The following DLG2 variants were observed in gnomAD, a reference collection of about 807,000 sequenced individuals.
DLG2 encodes disks large homolog 2.
In DLG2, 45 loss-of-function variants were observed where a neutral mutation model predicts 132.5. The observed-to-expected ratio is 0.34, with a 90% CI of 0.27 to 0.44. The LOEUF (loss-of-function observed/expected upper bound fraction) is 0.44. Among genes scored for constraint, DLG2 ranks in the 20% least tolerant of loss-of-function variants. The pLI, the probability that DLG2 is intolerant of heterozygous loss-of-function variation, is 1.00. For missense variants in DLG2, 1,045 were observed against 1,196.9 expected, an observed-to-expected ratio of 0.87 and a Z score of 1.87; for synonymous variants, 424 against 419.6, an observed-to-expected ratio of 1.01 and a Z score of -0.13.
chr11:84,622,304 CAGAA>C (rs1290796479), intron 6 of DLG2, among the ~76,000 whole-genome samples: 1 of 152,132 alleles, frequency 6.6e-6, no homozygotes, highest in Non-Finnish European at 1.5e-5. Flanking sequence ...AGTTCACCAC[CAGAA>C]AGAGTCTTTC....
chr11:85,189,982 A>G (rs931029781), intron 4 of DLG2, among the ~76,000 whole-genome samples: 3 of 152,200 alleles, frequency 2.0e-5, no homozygotes, highest in Admixed American at 6.5e-5. Context: ...TAATGTATAA[A>G]TTATACTTCA....
rs575056522 is a variant in DLG2 at position 83,625,782 on chromosome 11, A to C, written c.1940+7429T>G. On this transcript the variant is annotated intron_variant, in intron 19 of 27. Coordinates refer to ENST00000376104, the MANE Select transcript of DLG2 (RefSeq NM_001142699.3). ...TGTCACACAGTTTAGCAAACAAATG[A>C]AACAGCCTGAAAGGCCTTGCAGCAC... Among the ~76,000 whole-genome samples, 4 of 152,300 alleles carry C rather than the reference A, an allele frequency of 2.6e-5. No individual in the cohort carries two copies. In the East Asian group the frequency reaches 5.8e-4, roughly 22 times the overall value.
In DLG2 at chr11:84,633,485, C is replaced by A. The variant is rs536892555; in HGVS notation, c.358-98754G>T. Among the ~76,000 whole-genome samples, 177 of 152,174 alleles carry A rather than the reference C, an allele frequency of 1.2e-3. 2 individuals are homozygous for A. Among genetic ancestry groups the A allele is most frequent in the Admixed American group, 3.6e-3 (55 of 15,268 alleles). The stretch of plus-strand genomic sequence containing the variant: ...TCATTGAGAATCAACTCGTGCACCA[C>A]TTACTCCAAGAAACATTTCTTGACT... On this transcript the variant is annotated intron_variant, in intron 6 of 27. Coordinates refer to ENST00000376104, the MANE Select transcript of DLG2 (RefSeq NM_001142699.3).
At chr11:84,861,218 A>C (rs891252812) in intron 6 of DLG2, among the ~76,000 whole-genome samples, 2 of 152,102 alleles carry the variant, frequency 1.3e-5, no homozygotes, top group East Asian at 3.9e-4. Context: ...CTGGCTTCCT[A>C]AAGGAGATCA....
chr11:85,385,384 T>C (rs2086242612), intron 3 of DLG2, among the ~76,000 whole-genome samples: 1 of 152,224 alleles, frequency 6.6e-6, no homozygotes, highest in African/African-American at 2.4e-5. Flanking sequence ...TTGTTTGTTT[T>C]GTTTTTTTAC....
At chr11:83,767,178 G>A (rs2094180433) in intron 18 of DLG2, among the ~76,000 whole-genome samples, 1 of 152,130 alleles carries the variant, frequency 6.6e-6, no homozygotes, top group Non-Finnish European at 1.5e-5. Context: ...ATTGGGATAT[G>A]GACATTTTGG....
intron 19 of DLG2, among the ~76,000 whole-genome samples, chr11:83,581,519 A>G (rs556006196): frequency 4.3e-4 from 66 of 152,320 alleles, no homozygotes; most frequent in African/African-American, 1.4e-3. Context: ...GCAAGAAGAC[A>G]TAAGAGCTGT....
In DLG2 at chr11:84,207,419, G is replaced by A. The variant is rs187668582; in HGVS notation, c.573+43819C>T. Among the ~76,000 whole-genome samples, 9 of 152,160 alleles carry A rather than the reference G, an allele frequency of 5.9e-5. No homozygotes were observed. In the East Asian group the frequency reaches 1.7e-3, roughly 29 times the overall value. ...TTATAAAGCTATACTTACTAAGACAGTATGGTATTGGCATATGCTAGACAT... is the reference window on the plus strand; with the variant it reads ...TTATAAAGCTATACTTACTAAGACAATATGGTATTGGCATATGCTAGACAT... On this transcript the variant is annotated intron_variant, in intron 8 of 27. Coordinates refer to ENST00000376104, the MANE Select transcript of DLG2 (RefSeq NM_001142699.3).
At chr11:84,630,340 T>G (rs2099629391) in intron 6 of DLG2, among the ~76,000 whole-genome samples, 1 of 152,130 alleles carries the variant, frequency 6.6e-6, no homozygotes, top group Non-Finnish European at 1.5e-5. Context: ...ATCCTGAGGT[T>G]AGGTTTGGGG....
At chr11:84,003,574 C>T (rs2094451783) in intron 11 of DLG2, among the ~76,000 whole-genome samples, 1 of 152,022 alleles carries the variant, frequency 6.6e-6, no homozygotes, top group African/African-American at 2.4e-5. Context: ...GAAGCAGTGC[C>T]AAGGGAAGGG....
chr11:83,986,839 T>C (rs562915924), intron 11 of DLG2, among the ~76,000 whole-genome samples: 25 of 152,336 alleles, frequency 1.6e-4, no homozygotes, highest in African/African-American at 5.8e-4. Context: ...CATGTGTTTT[T>C]GGGCTGCATA....
intron 21 of DLG2, among the ~76,000 whole-genome samples, chr11:83,499,173 T>C (rs1021150374): frequency 6.6e-6 from 1 of 152,114 alleles, no homozygotes; most frequent in African/African-American, 2.4e-5. Flanking sequence ...TTCTAAAAGA[T>C]AGAAGAGGAG....
intron 6 of DLG2, among the ~76,000 whole-genome samples, chr11:84,834,588 G>A (rs1225079428): frequency 2.0e-5 from 3 of 151,558 alleles, no homozygotes; most frequent in Non-Finnish European, 4.4e-5. Context: ...AATGGGGAAA[G>A]CACAACTCTA....
rs752017709 is a variant in DLG2 at position 84,662,786 on chromosome 11, C to CAAA, written c.358-128058_358-128056dup. Among the ~76,000 whole-genome samples, 16 of 80,290 alleles carry CAAA rather than the reference C, an allele frequency of 2.0e-4. 1 individual carries two copies. Among genetic ancestry groups the CAAA allele is most frequent in the East Asian group, 4.7e-4 (1 of 2,122 alleles). 52.7% of individuals were successfully genotyped at this position (80,290 alleles called of 152,430 possible). A position where few individuals can be genotyped will look rare whatever the true frequency, so the allele number is the denominator to read the frequency against. On this transcript the variant is annotated intron_variant, in intron 6 of 27. Coordinates refer to ENST00000376104, the MANE Select transcript of DLG2 (RefSeq NM_001142699.3). ...TGGTCAATAGAGCAAGACTCTGTCA[C>CAAA]AAAAAAAAAAAAAAAAAAAAAGGCA...
At chr11:83,789,798 G>A (rs1277975008) in intron 17 of DLG2, among the ~76,000 whole-genome samples, 3 of 152,112 alleles carry the variant, frequency 2.0e-5, no homozygotes, top group South Asian at 2.1e-4. Context: ...TGCCTGCCTC[G>A]GCCTTCCAAC....
chr11:84,805,525 T>A (rs2075894381), intron 6 of DLG2, among the ~76,000 whole-genome samples: 1 of 152,170 alleles, frequency 6.6e-6, no homozygotes, highest in African/African-American at 2.4e-5. Flanking sequence ...TGGTTTCTTA[T>A]GAATGACTTA....
intron 6 of DLG2, among the ~76,000 whole-genome samples, chr11:84,643,675 G>A (rs2099670935): frequency 6.6e-6 from 1 of 152,168 alleles, no homozygotes; most frequent in African/African-American, 2.4e-5. Flanking sequence ...TGGGTTTTCT[G>A]TTTGTTTTTT....
intron 19 of DLG2, among the ~76,000 whole-genome samples, chr11:83,617,463 T>C (rs2060996862): frequency 1.3e-5 from 2 of 152,256 alleles, no homozygotes; most frequent in Non-Finnish European, 2.9e-5. Context: ...AACTGATTAC[T>C]TTGATATTAA....
intron 4 of DLG2, among the ~76,000 whole-genome samples, chr11:85,232,243 A>G (rs1289599435): frequency 2.0e-5 from 3 of 151,950 alleles, no homozygotes; most frequent in Non-Finnish European, 4.4e-5. Flanking sequence ...CCAATTTTTT[A>G]GTTGCCTATG....
Sources: allele counts gnomAD v4.1 joint callset (sites outside exome capture counted in the v4.1 genomes callset), GRCh38; gene constraint gnomAD v4.1.1; transcripts MANE v1.5; gene names NCBI Gene and HGNC (gene_info 2026-07-23, HGNC 2026-07-21).